Variants in CNTLN observed in about 807,000 individuals in gnomAD.
CNTLN encodes centlein.
In CNTLN, 212 loss-of-function variants were observed where a neutral mutation model predicts 180.0. The ratio of observed to expected loss-of-function variants is 1.18; its 90% CI spans 1.05 to 1.32. The LOEUF (loss-of-function observed/expected upper bound fraction) is 1.32. Among genes scored for constraint, CNTLN ranks in the 40% most tolerant of loss-of-function variants. The probability of loss-of-function intolerance (pLI) is 0.00; values close to 1 mark genes in which losing one functional copy is unlikely to be tolerated. For missense variants in CNTLN, 2,095 were observed against 1,610.9 expected, an observed-to-expected ratio of 1.30 and a Z score of -5.14; for synonymous variants, 722 against 563.1, an observed-to-expected ratio of 1.28 and a Z score of -3.99.
At chr9:17,518,036 C>CAT in the CNTLN span, among the ~76,000 whole-genome samples, 1 of 69,244 alleles carries the variant, frequency 1.4e-5, no homozygotes, top group Non-Finnish European at 2.4e-5. Context: ...TTTTCTTTTC[C>CAT]TTTTTTTTTT....
chr9:17,198,386 CTTTTTTTT>C (rs61209273), intron 2 of CNTLN, among the ~76,000 whole-genome samples: 78 of 109,706 alleles, frequency 7.1e-4, no homozygotes, highest in African/African-American at 2.3e-3. Flanking sequence ...TCTTTTCTTT[CTTTTTTTT>C]TTTTTTTTTG....
intron 13 of CNTLN, among the ~76,000 whole-genome samples, chr9:17,385,196 G>A (rs952318015): frequency 6.6e-6 from 1 of 152,204 alleles, no homozygotes; most frequent in African/African-American, 2.4e-5. Context: ...TGTCCTTTCT[G>A]AGCATGCCAC....
At chr9:17,356,348 T>C (rs1033472944) in intron 12 of CNTLN, among the ~76,000 whole-genome samples, 3 of 152,186 alleles carry the variant, frequency 2.0e-5, no homozygotes, top group African/African-American at 7.2e-5. Flanking sequence ...TAATTATCCC[T>C]AGGTAAGAGT....
At chr9:17,257,380 T>C (rs1481560311) in intron 5 of CNTLN, among the ~76,000 whole-genome samples, 1 of 152,184 alleles carries the variant, frequency 6.6e-6, no homozygotes, top group Non-Finnish European at 1.5e-5. Flanking sequence ...CTATCATTGT[T>C]GGACATTTGG....
chr9:17,505,151 C>T (rs201137121), downstream of CNTLN, among the ~76,000 whole-genome samples: 3 of 136,440 alleles, frequency 2.2e-5, no homozygotes, highest in African/African-American at 8.0e-5. Flanking sequence ...TTAAAAAAAA[C>T]TCAGAAAACT....
chr9:17,420,125 G>A (rs1828595816), intron 18 of CNTLN, among the ~76,000 whole-genome samples: 1 of 152,148 alleles, frequency 6.6e-6, no homozygotes, highest in African/African-American at 2.4e-5. Flanking sequence ...ATGTTGGCTA[G>A]GGTGGTCTTG....
chr9:17,271,180 A>G (rs1402209093), intron 5 of CNTLN, among the ~76,000 whole-genome samples: 1 of 152,042 alleles, frequency 6.6e-6, no homozygotes, highest in Non-Finnish European at 1.5e-5. Context: ...TGACCTCGTG[A>G]TCTGCCCACC....
rs375906270 is a variant in CNTLN at position 17,463,020 on chromosome 9, T to C, written c.3404+7T>C. 5 of 1,538,268 alleles carry C rather than the reference T, an allele frequency of 3.3e-6. No individual in the cohort carries two copies. In the African/African-American group the frequency reaches 5.6e-5, roughly 17 times the overall value. On this transcript the variant is annotated splice_region_variant and intron_variant, in intron 20 of 25. Transcript: ENST00000380647. Reference sequence around the variant, plus strand: ...TAAAGGAAATGCATGAAAAGTATGGTTTTTGTATTTCTATCCATTGTATTT... The same window carrying C: ...TAAAGGAAATGCATGAAAAGTATGGCTTTTGTATTTCTATCCATTGTATTT...
chr9:17,413,992 CTG>C (rs1179370343), intron 16 of CNTLN, among the ~76,000 whole-genome samples: 2 of 152,194 alleles, frequency 1.3e-5, no homozygotes, highest in East Asian at 1.9e-4. Context: ...GCTAAACAAA[CTG>C]TGGTACATCT....
intron 25 of CNTLN, among the ~76,000 whole-genome samples, chr9:17,500,346 A>G (rs982791090): frequency 1.4e-4 from 22 of 152,236 alleles, no homozygotes; most frequent in African/African-American, 5.1e-4. Flanking sequence ...GGTAATGTCC[A>G]TGTTGAAAAT....
chr9:17,413,385 T>A (rs1827997247), intron 16 of CNTLN, among the ~76,000 whole-genome samples: 1 of 152,046 alleles, frequency 6.6e-6, no homozygotes, highest in African/African-American at 2.4e-5. Context: ...ACCAAAAGCA[T>A]GATCCATAAA....
At chr9:17,295,600 G>A (rs1333031520) in intron 6 of CNTLN, among the ~76,000 whole-genome samples, 1 of 152,074 alleles carries the variant, frequency 6.6e-6, no homozygotes, top group African/African-American at 2.4e-5. Flanking sequence ...TTGGTGGGGG[G>A]CCTCCGACCA....
intron 25 of CNTLN, among the ~76,000 whole-genome samples, chr9:17,501,077 A>G (rs961504652): frequency 8.5e-5 from 13 of 152,178 alleles, no homozygotes; most frequent in African/African-American, 2.7e-4. Context: ...CATGTGCAAT[A>G]TGAGTGTGTT....
At chr9:17,418,723 G>A (rs1205491636) in intron 18 of CNTLN, among the ~76,000 whole-genome samples, 2 of 151,882 alleles carry the variant, frequency 1.3e-5, no homozygotes, top group Non-Finnish European at 2.9e-5. Context: ...TCAGGCATCA[G>A]TAGGTTTTGA....
intron 12 of CNTLN, among the ~76,000 whole-genome samples, chr9:17,364,577 T>G (rs1370098151): frequency 6.6e-6 from 1 of 152,232 alleles, no homozygotes; most frequent in African/African-American, 2.4e-5. Context: ...AAAGTAATTT[T>G]GATTATTCTC....
intron 24 of CNTLN, among the ~76,000 whole-genome samples, chr9:17,485,711 G>A (rs1588095131): frequency 1.3e-5 from 2 of 152,142 alleles, no homozygotes; most frequent in East Asian, 3.9e-4. Context: ...ATGCCTGTGT[G>A]CATGTATGTG....
At chr9:17,359,027 C>A (rs1391390680) in intron 12 of CNTLN, among the ~76,000 whole-genome samples, 6 of 151,906 alleles carry the variant, frequency 3.9e-5, no homozygotes, top group Admixed American at 3.3e-4. Context: ...CCTCCCCTCC[C>A]CTCTCTTTTT....
intron 5 of CNTLN, among the ~76,000 whole-genome samples, chr9:17,260,647 C>G (rs545567243): frequency 6.6e-6 from 1 of 151,380 alleles, no homozygotes; most frequent in East Asian, 1.9e-4. Flanking sequence ...TTGATAGTTT[C>G]TCTTGCTATG....
intron 12 of CNTLN, among the ~76,000 whole-genome samples, chr9:17,363,934 A>G (rs888454538): frequency 1.3e-5 from 2 of 152,102 alleles, no homozygotes; most frequent in African/African-American, 4.8e-5. Context: ...AAAGATATTA[A>G]TTATTTTCCT....
Sources: allele counts gnomAD v4.1 joint callset (sites outside exome capture counted in the v4.1 genomes callset), GRCh38; gene constraint gnomAD v4.1.1; transcripts MANE v1.5; gene names NCBI Gene and HGNC (gene_info 2026-07-23, HGNC 2026-07-21).